FSD1: variants seen among roughly 807,000 people sequenced by gnomAD.
FSD1 encodes the protein fibronectin type III and SPRY domain-containing protein 1.
In FSD1, 23 loss-of-function variants were observed where a neutral mutation model predicts 58.2. The ratio of observed to expected loss-of-function variants is 0.40; its 90% CI spans 0.28 to 0.56. FSD1 has a LOEUF of 0.56. Ranked by LOEUF, FSD1 falls within the 20% of genes least tolerant of loss-of-function variation. The pLI is 0.54. For missense variants in FSD1, 563 were observed against 670.8 expected (o/e 0.84, Z 1.78); for synonymous variants, 265 against 263.4 (o/e 1.01, Z -0.06).
At chr19:4,311,149 T>A (rs1223116276) in intron 6 of FSD1, 3 of 155,312 alleles carry the variant, frequency 1.9e-5, no homozygotes, top group Admixed American at 6.1e-5. Flanking sequence ...CCTCCCTGGA[T>A]AGAGCCACGA....
chr19:4,317,213 C>A lies in FSD1; in HGVS notation c.732C>A (p.Phe244Leu). 6.2e-7 allele frequency: 1 copy of A among 1,612,534 alleles called. No individual in the cohort carries two copies. Among genetic ancestry groups the A allele is most frequent in the South Asian group, 1.1e-5 (1 of 91,028 alleles). Residue 244 changes from phenylalanine (F) to leucine (L), a missense_variant, in exon 8 of 13, where the codon TTC (phenylalanine) becomes TTA (leucine). Coordinates refer to ENST00000221856, the MANE Select transcript of FSD1 (RefSeq NM_024333.3). ...GLKFDMKYMN[F>L]RVKACNKAVA... ...AGTTTGACATGAAATACATGAACTT[C>A]CGTGTGAAGGCCTGTAACAAGGCAG... is the stretch of plus-strand genomic sequence containing the variant.
intron 7 of FSD1, among the ~76,000 whole-genome samples, chr19:4,315,465 C>T (rs1187556602): frequency 3.3e-5 from 5 of 151,704 alleles, no homozygotes; most frequent in African/African-American, 9.7e-5. Flanking sequence ...CCTGCCACCA[C>T]GCCTGGCTAA....
intron 2 of FSD1, 38 bp downstream of exon 2, chr19:4,306,079 G>A (rs1301675140): frequency 6.2e-7 from 1 of 1,606,170 alleles, no homozygotes. Context: ...GGTAAGGGGA[G>A]GGGAGGAAGC....
chr19:4,313,453 C>G (rs990950650), intron 7 of FSD1, among the ~76,000 whole-genome samples: 10 of 151,608 alleles, frequency 6.6e-5, no homozygotes, highest in African/African-American at 2.4e-4. Flanking sequence ...GGCGTGGTGG[C>G]TCACACCTGT....
intron 6 of FSD1, 150 bp downstream of exon 6, chr19:4,310,746 G>A (rs1018783464): frequency 2.6e-5 from 22 of 858,464 alleles, no homozygotes; most frequent in African/African-American, 8.5e-5. Context: ...CACGCCCTGT[G>A]GGGGGTGGAG....
chr19:4,314,649 G>T (rs1414845642), intron 7 of FSD1, among the ~76,000 whole-genome samples: 1 of 152,042 alleles, frequency 6.6e-6, no homozygotes, highest in African/African-American at 2.4e-5. Flanking sequence ...ACCATGCCTG[G>T]CTAATTTTTG....
At chr19:4,310,698 C>G in intron 6 of FSD1, 102 bp downstream of exon 6, 1 of 1,347,544 alleles carries the variant, frequency 7.4e-7, no homozygotes, top group Admixed American at 2.1e-5. Context: ...GACCCGGTGT[C>G]TGAATTCCGC....
chr19:4,316,376 C>A (rs537265717), intron 7 of FSD1, among the ~76,000 whole-genome samples: 16 of 151,546 alleles, frequency 1.1e-4, no homozygotes, highest in Admixed American at 3.3e-4. Context: ...CGCCACCCCC[C>A]GCCCCCACCA....
chr19:4,311,453 G>C (rs1221044847), intron 6 of FSD1: 1 of 190,478 alleles, frequency 5.2e-6, no homozygotes, highest in African/African-American at 2.4e-5. Flanking sequence ...AGGCCGAGGC[G>C]GGTGGATCAC....
In FSD1 at chr19:4,323,485, C is replaced by T. The variant is rs773999628; in HGVS notation, c.1381-48C>T. On this transcript the variant is annotated intron_variant, in intron 12 of 12. Coordinates refer to ENST00000221856, the MANE Select transcript of FSD1 (RefSeq NM_024333.3). The surrounding 1 kb of genome is among the most constrained non-coding windows in gnomAD (Gnocchi z 7.7). ...GGGGAGGAGAGGGTGGTGCTGGGCG[C>T]TGGGGTTTGAAGCTGAGCCCCTCCC... 1 of 1,597,788 alleles carries T rather than the reference C, an allele frequency of 6.3e-7. No homozygotes were observed. Among genetic ancestry groups the T allele is most frequent in the Non-Finnish European group, 8.6e-7 (1 of 1,166,766 alleles).
chr19:4,312,199 G>A (rs993224784), intron 7 of FSD1, 148 bp downstream of exon 7: 1 of 710,346 alleles, frequency 1.4e-6, no homozygotes, highest in Non-Finnish European at 2.3e-6. Context: ...TCAGAAATAT[G>A]AGACAGTGGC....
chr19:4,315,765 C>T (rs916930188), intron 7 of FSD1, among the ~76,000 whole-genome samples: 3 of 151,974 alleles, frequency 2.0e-5, no homozygotes, highest in Non-Finnish European at 2.9e-5. Context: ...GCCCCCGCCA[C>T]CACACCTGGC....
In FSD1 at chr19:4,310,226, A is replaced by G. The variant is rs1207922886; in HGVS notation, c.346-47A>G. The stretch of plus-strand genomic sequence containing the variant: ...GGCAACAGAGCAAGACTCCGTCTCA[A>G]AAACAAAAAAAGAAATCTTTGAATG... On this transcript the variant is annotated intron_variant, in intron 4 of 12. Coordinates refer to ENST00000221856, the MANE Select transcript of FSD1 (RefSeq NM_024333.3). 4 of 1,612,504 alleles carry G rather than the reference A, an allele frequency of 2.5e-6. No homozygotes were observed. The East Asian group carries it at 8.9e-5, about 36-fold the overall frequency.
At chr19:4,311,818 C>T in intron 6 of FSD1, 24 bp from the exon 7 acceptor site, 1 of 1,611,604 alleles carries the variant, frequency 6.2e-7, no homozygotes, top group Non-Finnish European at 8.5e-7. Flanking sequence ...AATCCCGACC[C>T]CCTCTCCTTT....
At chr19:4,308,967 C>G (rs1477851690) in intron 4 of FSD1, among the ~76,000 whole-genome samples, 1 of 152,086 alleles carries the variant, frequency 6.6e-6, no homozygotes, top group African/African-American at 2.4e-5. Context: ...CCCAGCTACT[C>G]AGGAGGCTGA....
chr19:4,305,529 C>G (rs2144752907), intron 1 of FSD1, among the ~76,000 whole-genome samples: 1 of 152,340 alleles, frequency 6.6e-6, no homozygotes, highest in Admixed American at 6.5e-5. Context: ...AGCCTTTGTG[C>G]TCAAGCACGC....
chr19:4,318,354 T>C lies in FSD1; in HGVS notation c.808T>C (p.Phe270Leu). The C allele has an allele frequency of 6.2e-7, 1 of 1,613,890 alleles. No homozygotes were observed. The highest frequency in any genetic ancestry group is 8.5e-7 in the Non-Finnish European group (1 of 1,179,990). Residue 270 changes from phenylalanine (F) to leucine (L), a missense_variant, in exon 9 of 13, where the codon TTC becomes CTC. By Grantham distance (22) the Phe-to-Leu change is conservative. Transcript: ENST00000221856. ...CGTCTGCCCGGCCCCAGCGTTCATG[T>C]TCCGCCTGGATGCGTCCACATCCCA... is the stretch of plus-strand genomic sequence containing the variant. ...PVTLETPAFM[F>L]RLDASTSHQN...
At chr19:4,318,693 G>A (rs929026744) in intron 9 of FSD1, among the ~76,000 whole-genome samples, 179 bp from the exon 10 acceptor site, 6 of 152,140 alleles carry the variant, frequency 3.9e-5, no homozygotes, top group Admixed American at 2.6e-4. Context: ...CCCAGATGAC[G>A]GAGGGCACAG....
At chr19:4,321,096 C>G (rs555839054) in intron 10 of FSD1, among the ~76,000 whole-genome samples, 2 of 128,996 alleles carry the variant, frequency 1.6e-5, no homozygotes, top group Non-Finnish European at 3.2e-5. Context: ...TGAGGAGTAT[C>G]TGGGGAAATA....
Sources: allele counts gnomAD v4.1 joint callset (sites outside exome capture counted in the v4.1 genomes callset), GRCh38; gene constraint gnomAD v4.1.1; non-coding constraint Gnocchi (gnomAD v3.1); transcripts MANE v1.5; gene names NCBI Gene and HGNC (gene_info 2026-07-23, HGNC 2026-07-21).